The following PTPRC variants were observed in gnomAD, a reference collection of about 807,000 sequenced individuals.
The protein encoded by PTPRC is protein tyrosine phosphatase receptor type C, also known as receptor-type tyrosine-protein phosphatase C.
In PTPRC, 44 loss-of-function variants were observed where a neutral mutation model predicts 155.9. The ratio of observed to expected loss-of-function variants is 0.28; its 90% CI spans 0.22 to 0.36. The LOEUF is 0.36. Among genes scored for constraint, PTPRC ranks in the 10% least tolerant of loss-of-function variants. The pLI is 1.00. For missense variants in PTPRC, 1,401 were observed against 1,564.6 expected (o/e 0.90, Z 1.76); for synonymous variants, 525 against 533.1 (o/e 0.98, Z 0.21).
At chr1:198,699,996 A>G (rs1424436142) in intron 5 of PTPRC, 2 of 497,642 alleles carry the variant, frequency 4.0e-6, no homozygotes, top group African/African-American at 3.9e-5. Flanking sequence ...TTCTACAGGG[A>G]AAACTTTTTG....
intron 2 of PTPRC, among the ~76,000 whole-genome samples, chr1:198,646,676 C>T (rs1161239147): frequency 6.6e-6 from 1 of 151,806 alleles, no homozygotes; most frequent in African/African-American, 2.4e-5. Flanking sequence ...TATTTCTTAT[C>T]TAGCCAATAG....
intron 28 of PTPRC, among the ~76,000 whole-genome samples, chr1:198,750,016 A>G (rs557982316): frequency 6.7e-6 from 1 of 148,556 alleles, no homozygotes; most frequent in South Asian, 2.1e-4. Flanking sequence ...AACTTTAGTC[A>G]TTTATTAAAT....
chr1:198,704,061 G>T (rs1426999369), intron 7 of PTPRC, among the ~76,000 whole-genome samples: 1 of 152,018 alleles, frequency 6.6e-6, no homozygotes, highest in Non-Finnish European at 1.5e-5. Flanking sequence ...CATTTTCTCT[G>T]ACTTTTTTTT....
At chr1:198,693,149 C>A in intron 3 of PTPRC, 2 of 936,698 alleles carry the variant, frequency 2.1e-6, no homozygotes, top group Non-Finnish European at 2.5e-6. Flanking sequence ...TTCAACAGAT[C>A]ATGAAATTGG....
chr1:198,749,490 T>C lies in PTPRC; in HGVS notation c.3013T>C (p.Ser1005Pro). ...KESEHDSDES[S>P]DDDSDSEEPS... ...GAGTGAGCATGATTCAGATGAATCC[T>C]CTGATGATGACAGTGATTCAGAGGA... Residue 1005 changes from serine to proline, a missense_variant, in exon 28 of 33, where the codon TCT (serine) becomes CCT (proline). Physicochemically the swap from Ser to Pro is moderately conservative, Grantham distance 74 (BLOSUM62 -1). This residue lies in a region of PTPRC where 400 missense variants were observed against 389.5 expected (regional missense o/e 1.03). Coordinates refer to ENST00000442510, the MANE Select transcript of PTPRC (RefSeq NM_002838.5). 6.2e-7 allele frequency: 1 copy of C among 1,610,390 alleles called. No homozygotes were observed. The highest frequency in any genetic ancestry group is 1.1e-5 in the South Asian group (1 of 91,016).
chr1:198,640,103 A>G (rs1662492131), intron 2 of PTPRC, among the ~76,000 whole-genome samples: 1 of 151,996 alleles, frequency 6.6e-6, no homozygotes, highest in Non-Finnish European at 1.5e-5. Flanking sequence ...AACTAGTTGG[A>G]CTTCCAGTGC....
At chr1:198,752,009 A>G (rs1384897048) in intron 29 of PTPRC, among the ~76,000 whole-genome samples, 1 of 152,056 alleles carries the variant, frequency 6.6e-6, no homozygotes, top group East Asian at 1.9e-4. Flanking sequence ...TGTCCCAGTC[A>G]CCTCGATTGT....
chr1:198,754,382 G>A lies in PTPRC; in HGVS notation c.3623G>A (p.Arg1208Lys). 1 of 1,613,458 alleles carries A rather than the reference G, an allele frequency of 6.2e-7. No homozygotes were observed. Among genetic ancestry groups the A allele is most frequent in the Non-Finnish European group, 8.5e-7 (1 of 1,179,682 alleles). ...GTGGTAAAAGCTCTACGCAAAGCTAGGCCAGGCATGGTTTCCACATTCGTA... is the reference window on the plus strand; with the variant it reads ...GTGGTAAAAGCTCTACGCAAAGCTAAGCCAGGCATGGTTTCCACATTCGTA... ...FQVVKALRKARPGMVSTFEQY... is the reference protein window; with the variant it reads ...FQVVKALRKAKPGMVSTFEQY... The change falls in exon 32 of 33, where the codon AGG becomes AAG. Residue 1208 changes from arginine (R) to lysine (K), a missense_variant. This residue lies in a region of PTPRC where 400 missense variants were observed against 389.5 expected (regional missense o/e 1.03). Coordinates refer to ENST00000442510, the MANE Select transcript of PTPRC (RefSeq NM_002838.5).
intron 4 of PTPRC, among the ~76,000 whole-genome samples, chr1:198,697,653 C>T (rs975927399): frequency 5.9e-5 from 9 of 152,152 alleles, no homozygotes; most frequent in African/African-American, 2.2e-4. Flanking sequence ...AGTGTTCATG[C>T]TTTTCTGAAA....
intron 2 of PTPRC, among the ~76,000 whole-genome samples, chr1:198,684,454 A>G (rs1665509771): frequency 6.6e-6 from 1 of 151,832 alleles, no homozygotes; most frequent in Admixed American, 6.6e-5. Flanking sequence ...CATGGCCACA[A>G]AAATTTGCCT....
At chr1:198,674,125 A>G (rs771717821) in intron 2 of PTPRC, among the ~76,000 whole-genome samples, 30 of 152,290 alleles carry the variant, frequency 2.0e-4, no homozygotes, top group Non-Finnish European at 3.2e-4. Context: ...TTGTAGTTGC[A>G]TTTGTTCCTC....
intron 26 of PTPRC, among the ~76,000 whole-genome samples, chr1:198,747,319 G>T (rs1358446172): frequency 6.6e-6 from 1 of 151,708 alleles, no homozygotes; most frequent in Non-Finnish European, 1.5e-5. Flanking sequence ...CAAGAATTGA[G>T]GAAGCTGGTT....
intron 2 of PTPRC, among the ~76,000 whole-genome samples, chr1:198,689,971 A>G (rs866675731): frequency 6.6e-6 from 1 of 152,158 alleles, no homozygotes; most frequent in South Asian, 2.1e-4. Flanking sequence ...CTAGTCTCCA[A>G]CAGCATACCA....
chr1:198,728,707 T>C (rs551177276), intron 16 of PTPRC, among the ~76,000 whole-genome samples: 38 of 152,272 alleles, frequency 2.5e-4, no homozygotes, highest in African/African-American at 6.7e-4. Context: ...AAAGAATGTG[T>C]GTGGTTTTTA....
chr1:198,646,472 T>A (rs1292045687), intron 2 of PTPRC, among the ~76,000 whole-genome samples: 3 of 151,830 alleles, frequency 2.0e-5, no homozygotes, highest in African/African-American at 4.8e-5. Context: ...GCTAGTTTAG[T>A]TTTTTTAATT....
intron 2 of PTPRC, 144 bp downstream of exon 2, chr1:198,639,485 G>T: frequency 1.5e-6 from 1 of 649,324 alleles, no homozygotes; most frequent in Non-Finnish European, 2.7e-6. Context: ...GTCTCAGGGA[G>T]ACATAGCTAG....
intron 15 of PTPRC, among the ~76,000 whole-genome samples, chr1:198,724,835 C>G (rs924803176): frequency 4.6e-5 from 7 of 151,946 alleles, no homozygotes; most frequent in African/African-American, 1.7e-4. Context: ...GAGTTTCGCT[C>G]TTGTTGCCCA....
Position 198,699,958 on chromosome 1 carries a change from A to AT in PTPRC, c.439+260dup, listed in dbSNP as rs561619600. 3.9e-4 allele frequency: 223 copies of AT among 570,624 alleles called. 1 individual carries two copies. The East Asian group carries it at 4.5e-3, about 11-fold the overall frequency. The allele number at this position is 570,624 out of a possible 1,614,324, so 35.3% of individuals were successfully genotyped here. ...AGGAAAGAGTTATTCAGAATAGTCT[A>AT]TTTTTTATATATTTCAGGCAATTAC... On this transcript the variant is annotated intron_variant, in intron 5 of 32. Transcript: ENST00000442510.
In PTPRC at chr1:198,756,183, A is replaced by AAAAG. The variant is rs747502666; in HGVS notation, c.*4_*7dup. 3.5e-5 allele frequency: 56 copies of AAAAG among 1,612,758 alleles called. 1 individual carries two copies. In the South Asian group the frequency reaches 5.7e-4, roughly 16 times the overall value. ...CCAGCTTTAAATCAAGGTTCATAGG[A>AAAAG]AAAGACATAAATGAGGAAACTCCAA... is the stretch of plus-strand genomic sequence containing the variant. On this transcript the variant is annotated 3_prime_UTR_variant, in exon 33 of 33. Transcript: ENST00000442510.
Sources: allele counts gnomAD v4.1 joint callset (sites outside exome capture counted in the v4.1 genomes callset), GRCh38; gene constraint gnomAD v4.1.1; regional missense constraint gnomAD v4.1.1; transcripts MANE v1.5; gene names NCBI Gene and HGNC (gene_info 2026-07-23, HGNC 2026-07-21).